The following CCDC102B variants were observed in gnomAD, a reference collection of about 807,000 sequenced individuals.
CCDC102B encodes the protein coiled-coil domain-containing protein 102B.
CCDC102B carries 75 observed loss-of-function variants against 57.4 expected under a neutral mutation model. The ratio of observed to expected loss-of-function variants is 1.31; its 90% CI spans 1.08 to 1.58. The LOEUF (loss-of-function observed/expected upper bound fraction) is 1.58. Among genes scored for constraint, CCDC102B ranks in the 40% most tolerant of loss-of-function variants. The pLI is 0.00. For missense variants in CCDC102B, 636 were observed against 582.6 expected, an observed-to-expected ratio of 1.09 and a Z score of -0.94; for synonymous variants, 206 against 201.9, an observed-to-expected ratio of 1.02 and a Z score of -0.17.
intron 4 of CCDC102B, among the ~76,000 whole-genome samples, chr18:68,867,982 G>T (rs2039077592): frequency 6.6e-6 from 1 of 151,854 alleles, no homozygotes; most frequent in African/African-American, 2.4e-5. Context: ...TGCTGTTTTG[G>T]GGAGAAAATA....
intron 1 of CCDC102B, among the ~76,000 whole-genome samples, chr18:68,801,010 G>GT (rs1318366518): frequency 4.0e-5 from 6 of 151,652 alleles, no homozygotes; most frequent in East Asian, 1.9e-4. Context: ...TAACAACGAG[G>GT]TTTTTTTGTT....
chr18:69,041,090 G>A (rs1352514677), intron 7 of CCDC102B, among the ~76,000 whole-genome samples: 1 of 152,066 alleles, frequency 6.6e-6, no homozygotes. Context: ...ATATGGCATT[G>A]GCTATTTTAT....
At chr18:68,765,179 G>A (rs2034387140) in intron 2 of CCDC102B, among the ~76,000 whole-genome samples, 1 of 150,754 alleles carries the variant, frequency 6.6e-6, no homozygotes, top group Non-Finnish European at 1.5e-5. Context: ...AGCTATAATA[G>A]TGCCAACACA....
At chr18:68,894,070 C>T (rs1171203472) in intron 5 of CCDC102B, among the ~76,000 whole-genome samples, 1 of 151,974 alleles carries the variant, frequency 6.6e-6, no homozygotes, top group African/African-American at 2.4e-5. Flanking sequence ...TCTCCTTTTA[C>T]CTGATTTATT....
chr18:68,971,748 C>T (rs2050306158), intron 6 of CCDC102B, among the ~76,000 whole-genome samples: 1 of 152,204 alleles, frequency 6.6e-6, no homozygotes, highest in Non-Finnish European at 1.5e-5. Context: ...CTTTTATGCC[C>T]TCACAGAAAA....
intron 6 of CCDC102B, among the ~76,000 whole-genome samples, chr18:68,954,279 G>A (rs999885338): frequency 6.6e-6 from 1 of 152,074 alleles, no homozygotes; most frequent in African/African-American, 2.4e-5. Flanking sequence ...AATTAGCTGG[G>A]TGTGGTGGCA....
intron 1 of CCDC102B, among the ~76,000 whole-genome samples, chr18:68,798,815 T>C (rs1007443726): frequency 2.0e-5 from 3 of 152,006 alleles, no homozygotes; most frequent in African/African-American, 7.2e-5. Context: ...TAGAAGTAAA[T>C]TATAAAACTG....
At chr18:68,797,256 A>C (rs982166074), upstream of CCDC102B, among the ~76,000 whole-genome samples, 4 of 152,162 alleles carry the variant, frequency 2.6e-5, no homozygotes, top group Non-Finnish European at 4.4e-5. Context: ...AGGGTGAAAA[A>C]TAAAATAATT....
intron 6 of CCDC102B, among the ~76,000 whole-genome samples, chr18:68,984,993 AAAT>A (rs150703458): frequency 0.033 from 5,064 of 152,182 alleles, 297 homozygotes; most frequent in African/African-American, 0.11. Flanking sequence ...CTCAGTTTGT[AAAT>A]AATATATACT....
intron 1 of CCDC102B, among the ~76,000 whole-genome samples, chr18:68,805,670 T>C (rs1014442872): frequency 2.0e-4 from 30 of 152,052 alleles, no homozygotes; most frequent in African/African-American, 7.0e-4. Context: ...ATCATTGATA[T>C]GGAAAGAAAT....
Position 68,756,998 on chromosome 18 carries a change from C to G in CCDC102B, c.-67+40404C>G, listed in dbSNP as rs972183821. Among the ~76,000 whole-genome samples, 4 of 152,062 alleles carry G rather than the reference C, an allele frequency of 2.6e-5. No individual in the cohort carries two copies. In the East Asian group the frequency reaches 7.7e-4, roughly 29 times the overall value. On this transcript the variant is annotated intron_variant, in intron 2 of 3. Transcript: ENST00000578970. ...TAGTGAGAACTGGGTGGTGGTCAAG[C>G]CTCTGCTACAGTGTTACCTCCTTAA...
At chr18:68,737,030 G>T (rs1354921149) in intron 2 of CCDC102B, among the ~76,000 whole-genome samples, 1 of 151,874 alleles carries the variant, frequency 6.6e-6, no homozygotes, top group Admixed American at 6.6e-5. Context: ...GAGCCAAAGG[G>T]GTCAATGTTT....
At chr18:68,905,026 A>G (rs979714759) in intron 6 of CCDC102B, among the ~76,000 whole-genome samples, 5 of 151,904 alleles carry the variant, frequency 3.3e-5, no homozygotes, top group African/African-American at 7.3e-5. Flanking sequence ...TTTGAATTTA[A>G]TTATGTTTCC....
At chr18:68,942,662 C>T (rs2049411544) in intron 6 of CCDC102B, among the ~76,000 whole-genome samples, 1 of 151,948 alleles carries the variant, frequency 6.6e-6, no homozygotes, top group African/African-American at 2.4e-5. Flanking sequence ...AGCCCTAAGG[C>T]GGTTTTCTCC....
intron 1 of CCDC102B, among the ~76,000 whole-genome samples, chr18:68,811,520 C>T (rs2036263513): frequency 6.6e-6 from 1 of 152,128 alleles, no homozygotes; most frequent in Non-Finnish European, 1.5e-5. Context: ...AAGGCTGAGG[C>T]AGGAGAATCA....
At chr18:68,807,947 A>G (rs73458014) in intron 1 of CCDC102B, among the ~76,000 whole-genome samples, 4,718 of 152,246 alleles carry the variant, frequency 0.031, 228 homozygotes, top group African/African-American at 0.11. Context: ...CATGGAGAAA[A>G]TATGAGCAGG....
chr18:68,740,756 C>T (rs755995844), intron 2 of CCDC102B, among the ~76,000 whole-genome samples: 1 of 151,942 alleles, frequency 6.6e-6, no homozygotes, highest in Non-Finnish European at 1.5e-5. Flanking sequence ...AACCTAGGCC[C>T]CATTTTAGCC....
At chr18:68,808,509 G>A (rs1366657607) in intron 1 of CCDC102B, among the ~76,000 whole-genome samples, 4 of 117,780 alleles carry the variant, frequency 3.4e-5, no homozygotes, top group South Asian at 2.6e-4. Flanking sequence ...ACAGAGTCTC[G>A]CTCTTTCGGC....
At chr18:68,798,775 G>A (rs543068578) in intron 1 of CCDC102B, among the ~76,000 whole-genome samples, 24 of 151,914 alleles carry the variant, frequency 1.6e-4, no homozygotes, top group Non-Finnish European at 2.9e-4. Flanking sequence ...ATAAAATCCT[G>A]TGCATAATAA....
Sources: gnomAD v4.1 joint callset for allele counts (sites outside exome capture counted in the v4.1 genomes callset) on GRCh38, gnomAD v4.1.1 for gene constraint, MANE v1.5 for transcripts, NCBI Gene and HGNC (gene_info 2026-07-23, HGNC 2026-07-21) for gene names.